Variants in CMIP observed in about 807,000 individuals in gnomAD.
CMIP encodes c-Maf inducing protein.
In CMIP, 13 loss-of-function variants were observed where a neutral mutation model predicts 97.3. That is an observed-to-expected ratio of 0.13 (90% CI 0.09 to 0.21). The LOEUF is 0.21. CMIP is among the 10% of genes least tolerant of loss of function. The probability of loss-of-function intolerance (pLI) is 1.00; values close to 1 mark genes in which losing one functional copy is unlikely to be tolerated. For synonymous variants in CMIP, 538 were observed against 436.3 expected, an observed-to-expected ratio of 1.23 and a Z score of -2.91; for missense variants, 847 against 1,024.9, an observed-to-expected ratio of 0.83 and a Z score of 2.37.
chr16:81,587,115 A>G (rs1010079680), intron 1 of CMIP, among the ~76,000 whole-genome samples: 1 of 152,182 alleles, frequency 6.6e-6, no homozygotes, highest in Non-Finnish European at 1.5e-5. Context: ...ACTGGTATTG[A>G]TTTGAAACAG....
intron 3 of CMIP, among the ~76,000 whole-genome samples, chr16:81,640,599 G>T (rs538628738): frequency 1.3e-5 from 2 of 152,132 alleles, no homozygotes; most frequent in Non-Finnish European, 1.5e-5. Context: ...AAATCAAGGT[G>T]TCAGCAGGGC....
At chr16:81,699,352 A>T (rs1465486887) in intron 14 of CMIP, among the ~76,000 whole-genome samples, 1 of 152,276 alleles carries the variant, frequency 6.6e-6, no homozygotes, top group African/African-American at 2.4e-5. Context: ...TTATAGATTT[A>T]TACAAAAGAT....
At chr16:81,687,459 G>A (rs141738622) in intron 10 of CMIP, among the ~76,000 whole-genome samples, 12 of 152,286 alleles carry the variant, frequency 7.9e-5, no homozygotes, top group East Asian at 1.9e-4. Context: ...GTTTTTCCGC[G>A]GAGTCCCTAT....
At chr16:81,470,688 G>A (rs866210069) in intron 1 of CMIP, among the ~76,000 whole-genome samples, 48 of 152,204 alleles carry the variant, frequency 3.2e-4, no homozygotes, top group African/African-American at 1.2e-3. Context: ...GAGCTCTTGA[G>A]CTCAAGGGAT....
In CMIP at chr16:81,693,469, C is replaced by T. The variant is rs542375100; in HGVS notation, c.1512C>T (p.Ala504=). Residue 504 remains alanine (A), a synonymous_variant, in exon 13 of 21, where the codon GCC becomes GCT. Transcript: ENST00000537098. ...TGAAGTACGTGATTCAGAGGTTCGC[C>T]GAAGACCCCAGGCAAGAGGTGAGGC... ...KELKYVIQRF[A]EDPRQEVHSC... is the part of the protein sequence containing the mutation. 1.6e-4 allele frequency: 266 copies of T among 1,612,574 alleles called. No individual in the cohort carries two copies. Among genetic ancestry groups the T allele is most frequent in the Non-Finnish European group, 2.1e-4 (251 of 1,179,392 alleles).
At position 81,476,360 on chromosome 16, in the gene CMIP, G is replaced by A. The variant is rs541889283; in HGVS notation, c.300+30819G>A. 6.8e-6 allele frequency: 9 copies of A among 1,321,120 alleles called. No individual in the cohort carries two copies. The South Asian group carries it at 8.2e-5, about 12-fold the overall frequency. The allele number at this position is 1,321,120 out of a possible 1,614,324, so 81.8% of individuals were successfully genotyped here. On this transcript the variant is annotated intron_variant, in intron 1 of 20. Transcript: ENST00000537098. ...TACATAAACCCTGGAATGTTCCTGT[G>A]AAAGCAGGAACCCTTATAACCAACT...
intron 10 of CMIP, among the ~76,000 whole-genome samples, chr16:81,679,044 G>A (rs1400862121): frequency 2.0e-5 from 3 of 152,232 alleles, no homozygotes; most frequent in Non-Finnish European, 4.4e-5. Context: ...CTGCCAGGGT[G>A]TGCAGGAGCA....
chr16:81,475,988 A>AG, intron 1 of CMIP: 1 of 288,034 alleles, frequency 3.5e-6, no homozygotes, highest in South Asian at 4.1e-5. Flanking sequence ...CTCCTTCTCA[A>AG]AAAAAAAAAA....
chr16:81,567,279 G>A (rs965879902), intron 1 of CMIP, among the ~76,000 whole-genome samples: 3 of 152,250 alleles, frequency 2.0e-5, no homozygotes, highest in Non-Finnish European at 4.4e-5. Context: ...TTCCCTGAAG[G>A]GACTTGCTTG....
chr16:81,523,404 C>T (rs1316527387), intron 1 of CMIP, among the ~76,000 whole-genome samples: 1 of 152,162 alleles, frequency 6.6e-6, no homozygotes, highest in East Asian at 1.9e-4. Flanking sequence ...GGGACAGACT[C>T]ACCCCCTGTC....
At chr16:81,476,396 C>T in intron 1 of CMIP, 1 of 1,130,408 alleles carries the variant, frequency 8.8e-7, no homozygotes, top group Non-Finnish European at 1.3e-6. Context: ...CCTTTCTCTC[C>T]AGTGCTCAGA....
chr16:81,500,290 C>T (rs1400387691), intron 1 of CMIP, among the ~76,000 whole-genome samples: 1 of 136,318 alleles, frequency 7.3e-6, no homozygotes. Context: ...TTCCTTCCTT[C>T]CTTCCTTCCT....
intron 1 of CMIP, among the ~76,000 whole-genome samples, chr16:81,474,602 T>G (rs1907772438): frequency 6.6e-6 from 1 of 152,218 alleles, no homozygotes; most frequent in South Asian, 2.1e-4. Context: ...CCCTGGTGTC[T>G]TCTTACTGTG....
At chr16:81,542,184 A>C (rs183832265) in intron 1 of CMIP, among the ~76,000 whole-genome samples, 2 of 152,176 alleles carry the variant, frequency 1.3e-5, no homozygotes, top group Non-Finnish European at 2.9e-5. Flanking sequence ...TGGCATTCCA[A>C]ATTTTAAAAG....
intron 1 of CMIP, among the ~76,000 whole-genome samples, chr16:81,571,996 C>A (rs1043545137): frequency 2.4e-4 from 36 of 152,318 alleles, no homozygotes; most frequent in African/African-American, 7.9e-4. Flanking sequence ...AGAGTTGCAT[C>A]ATGAGACCCT....
intron 1 of CMIP, among the ~76,000 whole-genome samples, chr16:81,586,024 A>G (rs905275425): frequency 4.0e-5 from 6 of 150,262 alleles, no homozygotes; most frequent in African/African-American, 1.2e-4. Context: ...AACGCATGGC[A>G]TTCTCACAGC....
intron 1 of CMIP, among the ~76,000 whole-genome samples, chr16:81,556,346 C>T (rs968499237): frequency 1.3e-5 from 2 of 152,110 alleles, no homozygotes; most frequent in African/African-American, 2.4e-5. Context: ...AACACGGGTG[C>T]GCTGGTGTCC....
intron 10 of CMIP, among the ~76,000 whole-genome samples, chr16:81,691,467 G>T (rs1278481270): frequency 6.6e-6 from 1 of 152,140 alleles, no homozygotes; most frequent in Admixed American, 6.5e-5. Flanking sequence ...CCCCCTAATG[G>T]TCCCAAAGAG....
chr16:81,601,755 A>C (rs1287892859), intron 1 of CMIP, among the ~76,000 whole-genome samples: 1 of 152,106 alleles, frequency 6.6e-6, no homozygotes, highest in African/African-American at 2.4e-5. Context: ...CCGGGGCCAG[A>C]ACCCCAGCTT....
Sources: allele counts gnomAD v4.1 joint callset (sites outside exome capture counted in the v4.1 genomes callset), GRCh38; gene constraint gnomAD v4.1.1; transcripts MANE v1.5; gene names NCBI Gene and HGNC (gene_info 2026-07-23, HGNC 2026-07-21).